NAV1: variants seen among roughly 807,000 people sequenced by gnomAD.
The protein encoded by NAV1 is pore membrane and/or filament interacting like protein 3.
In NAV1, 18 loss-of-function variants were observed where a neutral mutation model predicts 175.2. The ratio of observed to expected loss-of-function variants is 0.10; its 90% CI spans 0.07 to 0.15. The LOEUF (loss-of-function observed/expected upper bound fraction) is 0.15, where lower values mean the gene tolerates loss of function less well. Ranked by LOEUF, NAV1 falls within the 10% of genes least tolerant of loss-of-function variation. NAV1 has a pLI of 1.00. For missense variants in NAV1, 1,731 were observed against 2,436.6 expected, an observed-to-expected ratio of 0.71 and a Z score of 6.10; for synonymous variants, 897 against 978.7, an observed-to-expected ratio of 0.92 and a Z score of 1.56.
Position 201,715,213 on chromosome 1 carries a change from G to A in NAV1, c.860+2294G>A, listed in dbSNP as rs139597088. ...GAGTCTCACTGTCTCCCAGGCTGGAGTGCCTTGGCATGATCTCAGCTCACT... is the reference window on the plus strand; with the variant it reads ...GAGTCTCACTGTCTCCCAGGCTGGAATGCCTTGGCATGATCTCAGCTCACT... On this transcript the variant is annotated intron_variant, in intron 2 of 29. Coordinates refer to ENST00000367296, the Ensembl canonical transcript of NAV1. Among the ~76,000 whole-genome samples the A allele has an allele frequency of 5.5e-3, 815 of 148,666 alleles. 9 individuals are homozygous for A. Among genetic ancestry groups the A allele is most frequent in the African/African-American group, 0.018 (734 of 40,218 alleles).
intron 2 of NAV1, among the ~76,000 whole-genome samples, chr1:201,602,681 A>G (rs1289650146): frequency 1.7e-5 from 2 of 117,714 alleles, no homozygotes; most frequent in Non-Finnish European, 1.7e-5. Context: ...TTTTTTTACC[A>G]TGAGCTCATC....
chr1:201,573,476 C>A (rs955963999), intron 1 of NAV1, among the ~76,000 whole-genome samples: 3 of 152,174 alleles, frequency 2.0e-5, no homozygotes, highest in Admixed American at 6.5e-5. Flanking sequence ...CCTGCCCTGC[C>A]CTGCCTCTGC....
chr1:201,794,726 A>ACTGGTCAGTGAGGAGTACCAGGGG, intron 15 of NAV1, 149 bp downstream of exon 19: 1 of 739,806 alleles, frequency 1.4e-6, no homozygotes, highest in East Asian at 2.8e-5. Flanking sequence ...TGATGTCTGG[A>ACTGGTCAGTGAGGAGTACCAGGGG]CTGGTCAGTG....
At chr1:201,553,480 G>A (rs910338908) in intron 1 of NAV1, among the ~76,000 whole-genome samples, 6 of 152,244 alleles carry the variant, frequency 3.9e-5, no homozygotes, top group Admixed American at 1.3e-4. Flanking sequence ...TGTTCCAACC[G>A]AGAAGGAGGG....
intron 2 of NAV1, among the ~76,000 whole-genome samples, chr1:201,605,475 G>C (rs1038878990): frequency 6.6e-6 from 1 of 152,112 alleles, no homozygotes; most frequent in African/African-American, 2.4e-5. Flanking sequence ...GTCACAAATG[G>C]ACTGAACCCA....
chr1:201,611,432 T>C (rs534874201), intron 2 of NAV1, among the ~76,000 whole-genome samples: 6 of 152,276 alleles, frequency 3.9e-5, no homozygotes, highest in African/African-American at 1.4e-4. Flanking sequence ...TAAATGACTA[T>C]TGCAGTCCTG....
At chr1:201,676,604 G>A (rs932527227) in intron 1 of NAV1, among the ~76,000 whole-genome samples, 12 of 152,068 alleles carry the variant, frequency 7.9e-5, no homozygotes, top group African/African-American at 2.4e-4. Context: ...TGGGGTTCCC[G>A]GTAGCTCCTC....
intron 1 of NAV1, among the ~76,000 whole-genome samples, chr1:201,698,289 CAGA>C (rs1671272769): frequency 6.6e-6 from 1 of 152,254 alleles, no homozygotes; most frequent in Non-Finnish European, 1.5e-5. Context: ...CAGTCCCCAA[CAGA>C]AGCTCTGGCC....
intron 1 of NAV1, among the ~76,000 whole-genome samples, chr1:201,652,657 C>G (rs1669250853): frequency 6.6e-6 from 1 of 152,170 alleles, no homozygotes; most frequent in South Asian, 2.1e-4. Context: ...ACTCAGTTTC[C>G]TCATTTGTGA....
At chr1:201,707,585 T>C (rs758723892) in intron 1 of NAV1, among the ~76,000 whole-genome samples, 1 of 152,230 alleles carries the variant, frequency 6.6e-6, no homozygotes, top group Non-Finnish European at 1.5e-5. Context: ...AGTTTTGCCC[T>C]AGGGTCCCAA....
intron 1 of NAV1, among the ~76,000 whole-genome samples, chr1:201,581,094 G>A (rs1360539555): frequency 1.3e-5 from 2 of 152,136 alleles, no homozygotes; most frequent in African/African-American, 4.8e-5. Flanking sequence ...AGGGAATGGG[G>A]TAGAGACTGG....
At chr1:201,816,108 C>T (rs1679014244) in intron 28 of NAV1, among the ~76,000 whole-genome samples, 1 of 152,050 alleles carries the variant, frequency 6.6e-6, no homozygotes, top group African/African-American at 2.4e-5. Context: ...CAGTGGCTCA[C>T]ACCTGTTAAT....
At chr1:201,592,170 C>T (rs1370398295) in intron 2 of NAV1, among the ~76,000 whole-genome samples, 2 of 152,216 alleles carry the variant, frequency 1.3e-5, no homozygotes, top group Non-Finnish European at 1.5e-5. Context: ...CCTGCATGGG[C>T]CATTAGCATT....
At chr1:201,686,805 A>G (rs1334217742) in intron 1 of NAV1, among the ~76,000 whole-genome samples, 1 of 151,900 alleles carries the variant, frequency 6.6e-6, no homozygotes, top group Non-Finnish European at 1.5e-5. Context: ...CCTGCAGCCT[A>G]CCTCTCCTAC....
intron 1 of NAV1, among the ~76,000 whole-genome samples, chr1:201,658,765 G>A (rs1423762662): frequency 6.6e-6 from 1 of 152,212 alleles, no homozygotes; most frequent in East Asian, 1.9e-4. Flanking sequence ...CAGCCAGCCA[G>A]GGCCTCTCAA....
chr1:201,540,486 C>T (rs1665481384), intron 1 of NAV1, among the ~76,000 whole-genome samples: 1 of 152,178 alleles, frequency 6.6e-6, no homozygotes, highest in Admixed American at 6.5e-5. Flanking sequence ...ATGAAGTCCC[C>T]GGCAACTCAC....
intron 1 of NAV1, among the ~76,000 whole-genome samples, chr1:201,676,355 GA>G (rs1443193079): frequency 3.3e-5 from 5 of 152,182 alleles, no homozygotes; most frequent in African/African-American, 1.2e-4. Context: ...AGGGCTCAGG[GA>G]CTCTTTCTCT....
At chr1:201,749,162 A>T (rs1255229567) in intron 3 of NAV1, among the ~76,000 whole-genome samples, 2 of 151,844 alleles carry the variant, frequency 1.3e-5, no homozygotes, top group Non-Finnish European at 2.9e-5. Flanking sequence ...AAAGAAAAAG[A>T]CTCTCTCTAA....
At chr1:201,619,217 G>T (rs1292011950), upstream of NAV1, among the ~76,000 whole-genome samples, 2 of 152,272 alleles carry the variant, frequency 1.3e-5, no homozygotes, top group African/African-American at 4.8e-5. Flanking sequence ...CCATTAGCAA[G>T]CGAGGGAGAC....
Sources: gnomAD v4.1 joint callset for allele counts (sites outside exome capture counted in the v4.1 genomes callset) on GRCh38, gnomAD v4.1.1 for gene constraint, MANE v1.5 for transcripts, NCBI Gene and HGNC (gene_info 2026-07-23, HGNC 2026-07-21) for gene names.